Variants in AFF3 observed in about 807,000 individuals in gnomAD.
The protein encoded by AFF3 is ALF transcription elongation factor 3, also known as AF4/FMR2 family member 3.
In AFF3, 32 loss-of-function variants were observed where a neutral mutation model predicts 129.7. That is an observed-to-expected ratio of 0.25 (90% CI 0.19 to 0.33). The LOEUF (loss-of-function observed/expected upper bound fraction) is 0.33. Ranked by LOEUF, AFF3 falls within the 10% of genes least tolerant of loss-of-function variation. The pLI is 1.00. For synonymous variants in AFF3, 644 were observed against 635.4 expected, an observed-to-expected ratio of 1.01 and a Z score of -0.20; for missense variants, 1,373 against 1,592.0, an observed-to-expected ratio of 0.86 and a Z score of 2.34.
At chr2:99,831,951 T>C (rs1688542675) in intron 8 of AFF3, among the ~76,000 whole-genome samples, 1 of 152,182 alleles carries the variant, frequency 6.6e-6, no homozygotes, top group Non-Finnish European at 1.5e-5. Context: ...CTCCTGTAAC[T>C]CACTAATCCC....
chr2:99,913,165 C>G (rs1051178004), intron 7 of AFF3, among the ~76,000 whole-genome samples: 1 of 152,210 alleles, frequency 6.6e-6, no homozygotes, highest in Non-Finnish European at 1.5e-5. Flanking sequence ...ATAGCCCCTA[C>G]TGTACCTACA....
chr2:99,985,339 A>T (rs1302258610), intron 7 of AFF3, among the ~76,000 whole-genome samples: 2 of 152,234 alleles, frequency 1.3e-5, no homozygotes, highest in African/African-American at 2.4e-5. Context: ...TGCCATGAAC[A>T]TGACCTCCTT....
At chr2:99,672,932 G>C (rs1358053780) in intron 11 of AFF3, among the ~76,000 whole-genome samples, 1 of 152,048 alleles carries the variant, frequency 6.6e-6, no homozygotes, top group Non-Finnish European at 1.5e-5. Context: ...CCAACAGGAA[G>C]AAAAGATAAA....
At chr2:99,664,834 T>G (rs1686536533) in intron 12 of AFF3, among the ~76,000 whole-genome samples, 1 of 152,216 alleles carries the variant, frequency 6.6e-6, no homozygotes, top group South Asian at 2.1e-4. Context: ...GTTTAGCTGG[T>G]GTAGACAGAT....
intron 7 of AFF3, among the ~76,000 whole-genome samples, chr2:99,853,163 A>G (rs1690273935): frequency 6.6e-6 from 1 of 152,220 alleles, no homozygotes; most frequent in African/African-American, 2.4e-5. Flanking sequence ...GTCAAGTTTA[A>G]AATACTCAAG....
chr2:99,675,742 G>A (rs1250711832), intron 11 of AFF3, among the ~76,000 whole-genome samples: 1 of 152,216 alleles, frequency 6.6e-6, no homozygotes, highest in Non-Finnish European at 1.5e-5. Flanking sequence ...TGTACTTGGT[G>A]TATGGCCAGC....
At chr2:99,778,891 TGTGCGC>T (rs773322300) in intron 8 of AFF3, among the ~76,000 whole-genome samples, 3,904 of 42,344 alleles carry the variant, frequency 0.092, 75 homozygotes, top group Admixed American at 0.13. Flanking sequence ...TGTGTGTGTG[TGTGCGC>T]GTGTGTGTGT....
chr2:99,853,577 T>C (rs368918679), intron 7 of AFF3, among the ~76,000 whole-genome samples: 1 of 152,334 alleles, frequency 6.6e-6, no homozygotes, highest in Admixed American at 6.5e-5. Flanking sequence ...CTCTGCTAAG[T>C]GCTTTATAGT....
chr2:100,060,847 C>A (rs1168387259), intron 4 of AFF3, among the ~76,000 whole-genome samples: 3 of 152,146 alleles, frequency 2.0e-5, no homozygotes, highest in Non-Finnish European at 2.9e-5. Flanking sequence ...CCTTAATGTC[C>A]TTTTCTGTCC....
chr2:99,722,931 A>G (rs368878852), intron 11 of AFF3, among the ~76,000 whole-genome samples: 3 of 152,182 alleles, frequency 2.0e-5, no homozygotes, highest in East Asian at 3.9e-4. Flanking sequence ...GGGAGAAGCT[A>G]TATAAACATA....
At chr2:99,639,690 AT>A (rs35004242) in intron 13 of AFF3, among the ~76,000 whole-genome samples, 71,977 of 142,560 alleles carry the variant, frequency 0.5, 17,711 homozygotes, top group East Asian at 0.65. Flanking sequence ...TTTTTAATTA[AT>A]TTTTTTTTTT....
intron 7 of AFF3, among the ~76,000 whole-genome samples, chr2:99,983,293 C>A (rs1343626424): frequency 1.3e-5 from 2 of 152,186 alleles, no homozygotes; most frequent in Non-Finnish European, 2.9e-5. Flanking sequence ...AGCCCATTTG[C>A]TCCATCCTGC....
rs2105419899 is a variant in AFF3 at position 100,092,445 on chromosome 2, T to C, written c.53+11957A>G. Among the ~76,000 whole-genome samples, 3 of 152,268 alleles carry C rather than the reference T, an allele frequency of 2.0e-5. No homozygotes were observed. The East Asian group carries it at 5.8e-4, about 29-fold the overall frequency. The stretch of plus-strand genomic sequence containing the variant: ...CACAACCACCAGACTCATCCATCTA[T>C]AGTGCCTTCTAGAAATAATAAAAAA... On this transcript the variant is annotated intron_variant, in intron 4 of 24. Coordinates refer to ENST00000672756, the MANE Select transcript of AFF3 (RefSeq NM_001386135.1).
At chr2:99,786,100 G>A (rs189602849) in intron 8 of AFF3, among the ~76,000 whole-genome samples, 3 of 152,320 alleles carry the variant, frequency 2.0e-5, no homozygotes, top group East Asian at 1.9e-4. Flanking sequence ...ATGGCCATTC[G>A]TTGAGTGCGG....
In AFF3 at chr2:99,853,305, T is replaced by C. The variant is rs62147607; in HGVS notation, c.874-15781A>G. On this transcript the variant is annotated intron_variant, in intron 7 of 24. Coordinates refer to ENST00000672756, the MANE Select transcript of AFF3 (RefSeq NM_001386135.1). The stretch of plus-strand genomic sequence containing the variant: ...AACATGTTTCTTTTTCCCATTTGAG[T>C]ACCTTTTCTTTCCATTGAATTCCTT... Among the ~76,000 whole-genome samples the C allele has an allele frequency of 4.5e-3, 679 of 152,344 alleles. 1 individual carries two copies. The highest frequency in any genetic ancestry group is 0.011 in the Admixed American group (170 of 15,292).
chr2:99,661,090 T>C (rs1686190418), intron 12 of AFF3, among the ~76,000 whole-genome samples: 1 of 152,206 alleles, frequency 6.6e-6, no homozygotes, highest in Non-Finnish European at 1.5e-5. Context: ...AGGGATAGCG[T>C]ATACTCCAAG....
intron 8 of AFF3, among the ~76,000 whole-genome samples, chr2:99,808,088 C>T (rs1383245673): frequency 3.9e-5 from 6 of 152,206 alleles, no homozygotes; most frequent in Non-Finnish European, 1.5e-5. Flanking sequence ...TAGAACGAGG[C>T]TCTGGGAACC....
chr2:99,990,006 C>T (rs1680196744), intron 7 of AFF3, among the ~76,000 whole-genome samples: 1 of 152,054 alleles, frequency 6.6e-6, no homozygotes, highest in African/African-American at 2.4e-5. Flanking sequence ...TGGGAATTAG[C>T]CTGTATTCTT....
chr2:99,586,502 TAGAG>T (rs1678131713), intron 16 of AFF3, among the ~76,000 whole-genome samples: 2 of 152,326 alleles, frequency 1.3e-5, no homozygotes, highest in African/African-American at 4.8e-5. Context: ...AGGAGTGTCT[TAGAG>T]AGGAAAAGTG....
Sources: allele counts gnomAD v4.1 joint callset (sites outside exome capture counted in the v4.1 genomes callset), GRCh38; gene constraint gnomAD v4.1.1; transcripts MANE v1.5; gene names NCBI Gene and HGNC (gene_info 2026-07-23, HGNC 2026-07-21).